The following CABIN1 variants were observed in gnomAD, a reference collection of about 807,000 sequenced individuals.
CABIN1 encodes the protein calcineurin-binding protein cabin-1.
A neutral mutation model predicts 227.7 loss-of-function variants in CABIN1; 133 were observed. The ratio of observed to expected loss-of-function variants is 0.58; its 90% confidence interval spans 0.51 to 0.67. CABIN1 has a LOEUF of 0.67. Among genes scored for constraint, CABIN1 ranks in the 30% least tolerant of loss-of-function variants. The pLI, the probability that CABIN1 is intolerant of heterozygous loss-of-function variation, is 0.00. For synonymous variants in CABIN1, 1,086 were observed against 1,155.1 expected (o/e 0.94, Z 1.21); for missense variants, 2,408 against 2,852.5 (o/e 0.84, Z 3.55).
At chr22:24,102,068 C>G (rs1165788888) in intron 26 of CABIN1, 1 of 152,240 alleles carries the variant, frequency 6.6e-6, no homozygotes, top group Non-Finnish European at 1.5e-5. Flanking sequence ...CCAAAACTGC[C>G]TGCTGTAGTC....
Position 24,113,727 on chromosome 22 carries a change from C to T in CABIN1, c.4279C>T (p.Gln1427Ter), listed in dbSNP as rs1569234329. ...SQAGATGKDL[Q>*]GATEERGKNE... Reference sequence around the variant, plus strand: ...AGCAGGAGCGACGGGTAAAGATCTTCAGGGGGCCACAGAAGAAAGAGGTAT... The same window carrying T: ...AGCAGGAGCGACGGGTAAAGATCTTTAGGGGGCCACAGAAGAAAGAGGTAT... The change falls in exon 27 of 37, where the codon CAG becomes TAG. Residue 1427 changes from glutamine to a stop codon, truncating the protein, a stop_gained. Coordinates refer to ENST00000263119, the MANE Select transcript of CABIN1 (RefSeq NM_012295.4). LOFTEE classifies it high-confidence loss of function. 1.2e-6 allele frequency: 2 copies of T among 1,613,824 alleles called. No homozygotes were observed. Among genetic ancestry groups the T allele is most frequent in the Admixed American group, 1.7e-5 (1 of 60,022 alleles).
chr22:24,165,906 C>T (rs1696995968), intron 31 of CABIN1, among the ~76,000 whole-genome samples: 1 of 152,198 alleles, frequency 6.6e-6, no homozygotes, highest in Non-Finnish European at 1.5e-5. Flanking sequence ...CCACCCAGGG[C>T]GGGGTCCCAA....
At chr22:24,032,805 G>A (rs1236514246) in intron 1 of CABIN1, among the ~76,000 whole-genome samples, 1 of 152,028 alleles carries the variant, frequency 6.6e-6, no homozygotes, top group Non-Finnish European at 1.5e-5. Flanking sequence ...GTGGCTCACT[G>A]TAATTCCATG....
intron 16 of CABIN1, among the ~76,000 whole-genome samples, chr22:24,070,575 T>C (rs2040011135): frequency 6.6e-6 from 1 of 152,258 alleles, no homozygotes; most frequent in South Asian, 2.1e-4. Flanking sequence ...GAAGCCTTTC[T>C]GAAAGCTCCC....
chr22:24,129,158 G>A (rs1471336063), intron 28 of CABIN1, among the ~76,000 whole-genome samples: 1 of 152,170 alleles, frequency 6.6e-6, no homozygotes, highest in Non-Finnish European at 1.5e-5. Context: ...CCCATCTCCA[G>A]CTGTCAACAG....
At position 24,166,789 on chromosome 22, in the gene CABIN1, G is replaced by A. The variant is rs772479837; in HGVS notation, c.5158G>A (p.Glu1720Lys). The A allele has an allele frequency of 6.2e-6, 10 of 1,612,858 alleles. No homozygotes were observed. The highest frequency in any genetic ancestry group is 3.3e-5 in the South Asian group (3 of 91,094). Residue 1720 changes from glutamate (E) to lysine (K), a missense_variant, in exon 32 of 37, where the codon GAG (glutamate) becomes AAG (lysine). By Grantham distance (56) the Glu-to-Lys change is moderately conservative. Coordinates refer to ENST00000263119, the MANE Select transcript of CABIN1 (RefSeq NM_012295.4). Reference sequence around the variant, plus strand: ...GGCTGATGGCTCAGGGCCAGGGCCCGAGCCAGGAGGCAAAGTGGGCCTCCT... The same window carrying A: ...GGCTGATGGCTCAGGGCCAGGGCCCAAGCCAGGAGGCAAAGTGGGCCTCCT... The part of the protein sequence containing the change: ...PLADGSGPGP[E>K]PGGKVGLLNH...
intron 29 of CABIN1, among the ~76,000 whole-genome samples, chr22:24,152,211 T>A (rs1470987235): frequency 6.6e-6 from 1 of 152,190 alleles, no homozygotes; most frequent in Non-Finnish European, 1.5e-5. Context: ...GGAAGGTCAT[T>A]TCTGTCTTCC....
intron 5 of CABIN1, among the ~76,000 whole-genome samples, chr22:24,041,947 T>C (rs190268672): frequency 2.0e-5 from 3 of 152,302 alleles, no homozygotes. Context: ...CCCATAAGAC[T>C]CTCATTTTTT....
rs914496783 is a variant in CABIN1 at position 24,167,099 on chromosome 22, C to T, written c.5468C>T (p.Ala1823Val). The change falls in exon 32 of 37, where the codon GCC becomes GTC. Residue 1823 changes from alanine (A) to valine (V), a missense_variant. By Grantham distance (64) the Ala-to-Val change is moderately conservative. Around this residue, in one of 3 missense-constraint regions of CABIN1, gnomAD observed 714 missense variants for 773.8 expected, o/e 0.92. Coordinates refer to ENST00000263119, the MANE Select transcript of CABIN1 (RefSeq NM_012295.4). The part of the protein sequence containing the change: ...LTPAQPAPAP[A>V]PATTTGTRAG... ...CCAGCCCAGCCAGCCCCCGCCCCCG[C>T]CCCCGCCACCACCACAGGGACCAGG... 6.5e-7 allele frequency: 1 copy of T among 1,547,180 alleles called. No individual in the cohort carries two copies. Among genetic ancestry groups the T allele is most frequent in the Admixed American group, 2.0e-5 (1 of 50,956 alleles).
At chr22:24,102,567 A>T (rs1056627135) in intron 26 of CABIN1, among the ~76,000 whole-genome samples, 1 of 152,184 alleles carries the variant, frequency 6.6e-6, no homozygotes. Flanking sequence ...TTGGGGGTCA[A>T]CTGATGCCAG....
chr22:24,049,178 A>T lies in CABIN1; in HGVS notation c.614A>T (p.Gln205Leu). 1 of 1,614,150 alleles carries T rather than the reference A, an allele frequency of 6.2e-7. No individual in the cohort carries two copies. Among genetic ancestry groups the T allele is most frequent in the Non-Finnish European group, 8.5e-7 (1 of 1,180,012 alleles). ...LVLKEKIFEEQPCLRKDSLRM... is the reference protein window; with the variant it reads ...LVLKEKIFEELPCLRKDSLRM... ...CTCAAGGAGAAGATTTTTGAGGAGC[A>T]GCCTTGTCTCCGGAAGGACTCTCTC... Residue 205 changes from glutamine (Q) to leucine (L), a missense_variant, in exon 7 of 37, where the codon CAG (glutamine) becomes CTG (leucine). Gln to Leu is a moderately radical substitution (Grantham distance 113). Coordinates refer to ENST00000263119, the MANE Select transcript of CABIN1 (RefSeq NM_012295.4).
intron 29 of CABIN1, among the ~76,000 whole-genome samples, chr22:24,139,704 C>A (rs997148801): frequency 3.3e-5 from 5 of 152,130 alleles, no homozygotes; most frequent in Non-Finnish European, 5.9e-5. Flanking sequence ...CTTGGGTGGA[C>A]ACATGTATGG....
At position 24,113,216 on chromosome 22, in the gene CABIN1, G is replaced by A. The variant is rs781321299; in HGVS notation, c.4118-350G>A. ...CTAACTCCACATTTGACAACAGCAC[G>A]TTGGTAACTTGAAAATTGCCATGGT... On this transcript the variant is annotated intron_variant, in intron 26 of 36. Coordinates refer to ENST00000263119, the MANE Select transcript of CABIN1 (RefSeq NM_012295.4). Among the ~76,000 whole-genome samples the A allele has an allele frequency of 1.3e-4, 20 of 152,230 alleles. 1 individual carries two copies. The highest frequency in any genetic ancestry group is 3.3e-4 in the Admixed American group (5 of 15,284).
chr22:24,070,068 A>AG (rs1378888655), intron 16 of CABIN1, among the ~76,000 whole-genome samples: 2 of 150,566 alleles, frequency 1.3e-5, no homozygotes, highest in East Asian at 3.9e-4. Context: ...TCTAGGCCAA[A>AG]AAAAAAAAAA....
intron 15 of CABIN1, 21 bp from the exon 16 acceptor site, chr22:24,066,966 G>A (rs1271585978): frequency 6.2e-7 from 1 of 1,613,688 alleles, no homozygotes; most frequent in Non-Finnish European, 8.5e-7. Flanking sequence ...CCCTCATACA[G>A]CATTGCCGGG....
At chr22:24,172,451 A>T (rs940666990) in intron 34 of CABIN1, among the ~76,000 whole-genome samples, 8 of 152,200 alleles carry the variant, frequency 5.3e-5, no homozygotes, top group Admixed American at 5.2e-4. Context: ...ACCTGTGAGC[A>T]GTTCCTGGGT....
At chr22:24,122,950 C>G (rs1228113206) in intron 28 of CABIN1, among the ~76,000 whole-genome samples, 2 of 152,116 alleles carry the variant, frequency 1.3e-5, no homozygotes, top group African/African-American at 4.8e-5. Context: ...TTCTGAGGGT[C>G]ACACAGAGCT....
intron 20 of CABIN1, 106 bp from the exon 21 acceptor site, chr22:24,084,473 T>G: frequency 1.1e-6 from 1 of 934,668 alleles, no homozygotes; most frequent in Non-Finnish European, 1.8e-6. Context: ...CAATATGCCA[T>G]AACCTCATTT....
intron 28 of CABIN1, among the ~76,000 whole-genome samples, chr22:24,125,455 C>T (rs947038636): frequency 1.1e-4 from 16 of 152,194 alleles, no homozygotes; most frequent in Non-Finnish European, 1.9e-4. Context: ...GCAGGTTAAA[C>T]GAGAGGGCCT....
Sources: allele counts gnomAD v4.1 joint callset (sites outside exome capture counted in the v4.1 genomes callset), GRCh38; gene constraint gnomAD v4.1.1; regional missense constraint gnomAD v4.1.1; transcripts MANE v1.5; gene names NCBI Gene and HGNC (gene_info 2026-07-23, HGNC 2026-07-21).